The following PXDN variants were observed in gnomAD, a reference collection of about 807,000 sequenced individuals.
PXDN encodes the protein peroxidasin homolog.
A neutral mutation model predicts 140.3 loss-of-function variants in PXDN; 77 were observed. That is an observed-to-expected ratio of 0.55 (90% CI 0.46 to 0.66). The LOEUF (loss-of-function observed/expected upper bound fraction) is 0.66. Among genes scored for constraint, PXDN ranks in the 30% least tolerant of loss-of-function variants. The pLI is 0.00. For missense variants in PXDN, 1,838 were observed against 2,039.5 expected, an observed-to-expected ratio of 0.90 and a Z score of 1.90; for synonymous variants, 911 against 857.4, an observed-to-expected ratio of 1.06 and a Z score of -1.09.
chr2:1,692,441 G>T, intron 2 of PXDN: 1 of 468,526 alleles, frequency 2.1e-6, no homozygotes, highest in Non-Finnish European at 4.4e-6. Context: ...AGGGCCTGGG[G>T]TGAGAGACCC....
At chr2:1,701,389 C>G (rs910027569) in intron 1 of PXDN, among the ~76,000 whole-genome samples, 1 of 152,162 alleles carries the variant, frequency 6.6e-6, no homozygotes, top group Non-Finnish European at 1.5e-5. Flanking sequence ...GTGACCTGAG[C>G]CACTCGTGCA....
intron 17 of PXDN, among the ~76,000 whole-genome samples, chr2:1,647,609 C>T (rs1367126267): frequency 1.3e-5 from 2 of 152,220 alleles, no homozygotes; most frequent in South Asian, 2.1e-4. Flanking sequence ...TCAGAAGCGG[C>T]GCCATCTGTG....
intron 14 of PXDN, among the ~76,000 whole-genome samples, chr2:1,655,632 C>T (rs1220526099): frequency 2.0e-5 from 3 of 151,588 alleles, no homozygotes; most frequent in East Asian, 3.9e-4. Flanking sequence ...ATCTGCCCCT[C>T]CTGGCAGGAA....
chr2:1,636,004 C>T (rs943583674), intron 21 of PXDN: 3 of 260,114 alleles, frequency 1.2e-5, no homozygotes, highest in Non-Finnish European at 2.2e-5. Flanking sequence ...GGGTCTCCTT[C>T]CTCAAACCCT....
At chr2:1,679,519 G>A (rs553224753) in intron 7 of PXDN, among the ~76,000 whole-genome samples, 1 of 150,362 alleles carries the variant, frequency 6.7e-6, no homozygotes, top group African/African-American at 2.5e-5. Context: ...GTGCGTGTGT[G>A]TGGTTTGTGT....
rs1448270172 is a variant in PXDN at position 1,649,426 on chromosome 2, C to T, written c.2354G>A (p.Arg785Gln). Reference sequence around the variant, plus strand: ...GGGAAGGGCGTGCCCGTTGTACAGTCGGTGGGGGTTGATGCCCCGAGGGGT... The same window carrying T: ...GGGAAGGGCGTGCCCGTTGTACAGTTGGTGGGGGTTGATGCCCCGAGGGGT... ...FNTPRGINPH[R>Q]LYNGHALPMP... is the part of the protein sequence containing the mutation. Residue 785 changes from arginine (R) to glutamine (Q), a missense_variant, in exon 17 of 23, where the codon CGA (arginine) becomes CAA (glutamine). Physicochemically the swap from Arg to Gln is conservative, Grantham distance 43 (BLOSUM62 1). Coordinates refer to ENST00000252804, the MANE Select transcript of PXDN (RefSeq NM_012293.3). This position sits in a 1 kb window ranked among gnomAD's most constrained non-coding sequence, Gnocchi z 7.1. 9.3e-6 allele frequency: 15 copies of T among 1,613,806 alleles called. No homozygotes were observed. The highest frequency in any genetic ancestry group is 3.3e-5 in the South Asian group (3 of 91,084).
At position 1,683,676 on chromosome 2, in the gene PXDN, G is replaced by A. The variant is rs1402384465; in HGVS notation, c.540C>T (p.His180=). 1.9e-6 allele frequency: 3 copies of A among 1,606,872 alleles called. No homozygotes were observed. The highest frequency in any genetic ancestry group is 2.5e-6 in the Non-Finnish European group (3 of 1,177,074). ...CTCACAATCTCTTCATAGATTCCAA[G>A]TGATTAAATGTCCCTGGAACTAAAT... The part of the protein sequence containing the change: ...ITHLVPGTFN[H]LESMKRLRLD... Residue 180 remains histidine (H), a synonymous_variant, in exon 6 of 23, where the codon CAC becomes CAT. Coordinates refer to ENST00000252804, the MANE Select transcript of PXDN (RefSeq NM_012293.3).
Position 1,737,563 on chromosome 2 carries a change from G to A in PXDN, c.200+6693C>T, listed in dbSNP as rs144066658. Among the ~76,000 whole-genome samples, 148 of 150,894 alleles carry A rather than the reference G, an allele frequency of 9.8e-4. 2 individuals are homozygous for A. The East Asian group carries it at 0.024, about 25-fold the overall frequency. On this transcript the variant is annotated intron_variant, in intron 1 of 22. Coordinates refer to ENST00000252804, the MANE Select transcript of PXDN (RefSeq NM_012293.3). ...ATTCTTTTCTTTTTTTTTTTGAGAT[G>A]GAGTCTTGCTCTGTCCCCCAAGCTG... is the stretch of plus-strand genomic sequence containing the variant.
At chr2:1,739,957 T>C (rs563573422) in intron 1 of PXDN, among the ~76,000 whole-genome samples, 22 of 152,378 alleles carry the variant, frequency 1.4e-4, no homozygotes, top group African/African-American at 5.3e-4. Context: ...AGGCAAACAC[T>C]GACACTAGCA....
intron 8 of PXDN, chr2:1,676,666 G>A (rs1419037327): frequency 2.7e-5 from 14 of 515,494 alleles, no homozygotes; most frequent in Non-Finnish European, 3.8e-5. Flanking sequence ...GGGAAGGGCC[G>A]CAGTGACGCG....
At chr2:1,698,335 C>A (rs1472977937) in intron 1 of PXDN, among the ~76,000 whole-genome samples, 1 of 152,126 alleles carries the variant, frequency 6.6e-6, no homozygotes, top group Non-Finnish European at 1.5e-5. Context: ...AGCACCTGCA[C>A]TTGGAGAAGA....
intron 16 of PXDN, among the ~76,000 whole-genome samples, chr2:1,650,590 G>A (rs990202980): frequency 6.6e-6 from 1 of 152,048 alleles, no homozygotes; most frequent in East Asian, 1.9e-4. Flanking sequence ...CTCTGTGTTC[G>A]CCAAAGTGCT....
chr2:1,694,075 C>T (rs1432046093), intron 1 of PXDN, among the ~76,000 whole-genome samples: 4 of 152,130 alleles, frequency 2.6e-5, no homozygotes, highest in African/African-American at 9.7e-5. Context: ...ACAGAAAGAC[C>T]AATTTCTTTA....
chr2:1,721,999 A>C (rs1572193653), intron 1 of PXDN, among the ~76,000 whole-genome samples: 1 of 152,332 alleles, frequency 6.6e-6, no homozygotes, highest in East Asian at 1.9e-4. Flanking sequence ...CGAGAAAGGC[A>C]AGCCAAGCTG....
intron 1 of PXDN, among the ~76,000 whole-genome samples, chr2:1,700,016 C>T (rs1407091436): frequency 3.3e-5 from 5 of 152,034 alleles, no homozygotes; most frequent in Non-Finnish European, 1.5e-5. Context: ...GTCTTTTTCT[C>T]AATATATTTT....
chr2:1,701,403 G>T (rs1270661285), intron 1 of PXDN, among the ~76,000 whole-genome samples: 1 of 152,290 alleles, frequency 6.6e-6, no homozygotes, highest in Non-Finnish European at 1.5e-5. Context: ...TCGTGCAGGC[G>T]GCCACAGTGA....
At chr2:1,657,373 A>C (rs1438079106) in intron 14 of PXDN, among the ~76,000 whole-genome samples, 1 of 143,110 alleles carries the variant, frequency 7.0e-6, no homozygotes, top group Non-Finnish European at 1.5e-5. Context: ...GAAACCTGCC[A>C]ACTCCTGACT....
chr2:1,664,905 T>A, intron 11 of PXDN, 53 bp downstream of exon 11: 1 of 1,424,972 alleles, frequency 7.0e-7, no homozygotes, highest in Non-Finnish European at 9.7e-7. Flanking sequence ...AATGTGTGCT[T>A]CCTGCGTCTG....
intron 19 of PXDN, among the ~76,000 whole-genome samples, chr2:1,642,353 A>T (rs993571834): frequency 6.6e-6 from 1 of 152,224 alleles, no homozygotes; most frequent in African/African-American, 2.4e-5. Flanking sequence ...AAATTAAATA[A>T]GCTCTTGGCC....
Sources: allele counts gnomAD v4.1 joint callset (sites outside exome capture counted in the v4.1 genomes callset), GRCh38; gene constraint gnomAD v4.1.1; non-coding constraint Gnocchi (gnomAD v3.1); transcripts MANE v1.5; gene names NCBI Gene and HGNC (gene_info 2026-07-23, HGNC 2026-07-21).